The following CDH13 variants were observed in gnomAD, a reference collection of about 807,000 sequenced individuals.
The protein encoded by CDH13 is cadherin 13.
Under a neutral mutation model 63.8 loss-of-function variants are expected in CDH13, and 24 were observed. That is an observed-to-expected ratio of 0.38 (90% CI 0.27 to 0.53). CDH13 has a LOEUF of 0.53. CDH13 is among the 20% of genes least tolerant of loss of function. CDH13 has a pLI of 0.85. For synonymous variants in CDH13, 503 were observed against 355.3 expected (o/e 1.42, Z -4.67); for missense variants, 1,049 against 903.1 (o/e 1.16, Z -2.07).
At chr16:83,105,700 C>T (rs955571969) in intron 3 of CDH13, among the ~76,000 whole-genome samples, 18 of 152,114 alleles carry the variant, frequency 1.2e-4, no homozygotes, top group African/African-American at 3.9e-4. Flanking sequence ...GTAATGGGAC[C>T]TGGCAGATGA....
At chr16:83,513,778 T>A (rs2074631481) in intron 7 of CDH13, among the ~76,000 whole-genome samples, 1 of 152,036 alleles carries the variant, frequency 6.6e-6, no homozygotes, top group Non-Finnish European at 1.5e-5. Flanking sequence ...AAGATGAGAT[T>A]TGGGTGGGGA....
At chr16:83,379,939 A>AGAGG (rs1491348742) in intron 6 of CDH13, among the ~76,000 whole-genome samples, 20 of 29,334 alleles carry the variant, frequency 6.8e-4, no homozygotes, top group Admixed American at 3.1e-3. Flanking sequence ...ATATATATAT[A>AGAGG]GAGAGAGAGA....
intron 1 of CDH13, among the ~76,000 whole-genome samples, chr16:82,849,382 A>G (rs1457638531): frequency 6.6e-6 from 1 of 152,122 alleles, no homozygotes; most frequent in African/African-American, 2.4e-5. Flanking sequence ...CGTACCTGTA[A>G]TACCAGCTAC....
At chr16:83,189,236 A>G (rs1006920218) in intron 4 of CDH13, among the ~76,000 whole-genome samples, 1 of 152,034 alleles carries the variant, frequency 6.6e-6, no homozygotes, top group African/African-American at 2.4e-5. Flanking sequence ...GTGTTTTTCC[A>G]TCATCCCAGA....
intron 2 of CDH13, among the ~76,000 whole-genome samples, chr16:82,980,555 C>T (rs566506815): frequency 6.6e-6 from 1 of 152,328 alleles, no homozygotes; most frequent in African/African-American, 2.4e-5. Context: ...AGGCTCATTT[C>T]ATGGTAACAC....
chr16:83,067,571 C>T (rs1369674649), intron 3 of CDH13, among the ~76,000 whole-genome samples: 2 of 152,158 alleles, frequency 1.3e-5, no homozygotes, highest in Non-Finnish European at 2.9e-5. Context: ...CCTCCACAAA[C>T]TAAGGTTCAT....
At chr16:83,549,288 C>T (rs1253092633) in intron 7 of CDH13, among the ~76,000 whole-genome samples, 1 of 152,196 alleles carries the variant, frequency 6.6e-6, no homozygotes, top group Non-Finnish European at 1.5e-5. Flanking sequence ...CCTCTCTGTG[C>T]TTCACCCCAC....
At chr16:83,760,039 A>G (rs1335970431) in intron 11 of CDH13, among the ~76,000 whole-genome samples, 2 of 152,186 alleles carry the variant, frequency 1.3e-5, no homozygotes, top group Non-Finnish European at 2.9e-5. Context: ...ACAGCAGAAA[A>G]TACACAAATC....
intron 8 of CDH13, among the ~76,000 whole-genome samples, chr16:83,619,587 C>T (rs1250802008): frequency 2.6e-5 from 4 of 152,198 alleles, no homozygotes; most frequent in African/African-American, 4.8e-5. Flanking sequence ...TTCTGGTGGC[C>T]GCCGGCAACC....
chr16:82,654,008 G>C (rs1317538751), intron 1 of CDH13, among the ~76,000 whole-genome samples: 3 of 152,170 alleles, frequency 2.0e-5, no homozygotes, highest in East Asian at 3.8e-4. Flanking sequence ...TTCCAGCCCA[G>C]CTTCTGGTTG....
At chr16:83,446,312 AAAAAG>A (rs1384422401) in intron 6 of CDH13, among the ~76,000 whole-genome samples, 1 of 151,820 alleles carries the variant, frequency 6.6e-6, no homozygotes, top group Non-Finnish European at 1.5e-5. Context: ...AAAAAAAAAA[AAAAAG>A]AAAGAAAGAA....
chr16:83,187,005 C>G (rs544942877), intron 4 of CDH13, among the ~76,000 whole-genome samples: 1 of 152,028 alleles, frequency 6.6e-6, no homozygotes, highest in Non-Finnish European at 1.5e-5. Flanking sequence ...GAGTCTCGCT[C>G]TGTCACCCAG....
At chr16:83,327,960 G>A (rs958105783) in intron 5 of CDH13, among the ~76,000 whole-genome samples, 51 of 152,074 alleles carry the variant, frequency 3.4e-4, no homozygotes, top group Non-Finnish European at 6.9e-4. Context: ...GTGAAACCCC[G>A]TCTCTACTGA....
intron 7 of CDH13, among the ~76,000 whole-genome samples, chr16:83,551,806 G>T (rs1376850991): frequency 1.3e-5 from 2 of 152,150 alleles, no homozygotes; most frequent in Non-Finnish European, 2.9e-5. Flanking sequence ...GGCCTATGAA[G>T]GTGTCAAGTC....
intron 3 of CDH13, among the ~76,000 whole-genome samples, chr16:83,066,034 C>A (rs1419932443): frequency 6.6e-6 from 1 of 152,140 alleles, no homozygotes; most frequent in Non-Finnish European, 1.5e-5. Context: ...TGTAAAATGT[C>A]TTAAGCATAA....
intron 6 of CDH13, among the ~76,000 whole-genome samples, chr16:83,353,710 C>G (rs1023576659): frequency 6.9e-4 from 105 of 152,348 alleles, no homozygotes; most frequent in African/African-American, 2.5e-3. Flanking sequence ...ACCATGAAGT[C>G]TTATTCCTGG....
chr16:83,735,000 C>CAAA (rs34189850), intron 10 of CDH13, among the ~76,000 whole-genome samples: 14 of 143,416 alleles, frequency 9.8e-5, no homozygotes, highest in African/African-American at 2.8e-4. Flanking sequence ...TGTGGTTATT[C>CAAA]AAAAAAAAAA....
chr16:83,650,001 G>C (rs148582972), intron 8 of CDH13, among the ~76,000 whole-genome samples: 1 of 152,246 alleles, frequency 6.6e-6, no homozygotes, highest in Non-Finnish European at 1.5e-5. Context: ...CGTTCTAATT[G>C]GACAAAATGG....
intron 8 of CDH13, among the ~76,000 whole-genome samples, chr16:83,614,135 A>C (rs1909088749): frequency 6.6e-6 from 1 of 152,088 alleles, no homozygotes; most frequent in African/African-American, 2.4e-5. Context: ...AAATGTTTAG[A>C]GATTAGTAGA....
Sources: allele counts gnomAD v4.1 joint callset (sites outside exome capture counted in the v4.1 genomes callset), GRCh38; gene constraint gnomAD v4.1.1; transcripts MANE v1.5; gene names NCBI Gene and HGNC (gene_info 2026-07-23, HGNC 2026-07-21).